PCDH15: variants seen among roughly 807,000 people sequenced by gnomAD.
The protein encoded by PCDH15 is protocadherin-15.
Under a neutral mutation model 178.5 loss-of-function variants are expected in PCDH15, and 129 were observed. The ratio of observed to expected loss-of-function variants is 0.72; its 90% confidence interval spans 0.63 to 0.84. PCDH15 has a LOEUF of 0.84. Among genes scored for constraint, PCDH15 ranks in the 40% least tolerant of loss-of-function variants. The pLI, the probability that PCDH15 is intolerant of heterozygous loss-of-function variation, is 0.00. For synonymous variants in PCDH15, 800 were observed against 732.0 expected, an observed-to-expected ratio of 1.09 and a Z score of -1.50; for missense variants, 2,230 against 2,099.9, an observed-to-expected ratio of 1.06 and a Z score of -1.21.
At chr10:54,498,048 A>G (rs1238451658) in intron 3 of PCDH15, among the ~76,000 whole-genome samples, 1 of 152,010 alleles carries the variant, frequency 6.6e-6, no homozygotes, top group Non-Finnish European at 1.5e-5. Flanking sequence ...ATATTAAAGG[A>G]AGCTATACAG....
chr10:54,818,976 G>A (rs953341040), intron 3 of PCDH15, among the ~76,000 whole-genome samples: 1 of 151,968 alleles, frequency 6.6e-6, no homozygotes, highest in Non-Finnish European at 1.5e-5. Flanking sequence ...GCAGACTGAA[G>A]AGCTGTGGGG....
Position 54,421,313 on chromosome 10 carries a change from G to GT in PCDH15, c.158-42372dup, listed in dbSNP as rs559643263. Among the ~76,000 whole-genome samples the GT allele has an allele frequency of 4.6e-5, 7 of 151,422 alleles. No homozygotes were observed. The East Asian group carries it at 9.7e-4, about 21-fold the overall frequency. On this transcript the variant is annotated intron_variant, in intron 3 of 37. Transcript: ENST00000644397. ...TTAAGAAATAATCTCTGACTCTGTAGTTTTTTTATTTGTAGGTTTTACTAG... is the reference window on the plus strand; with the variant it reads ...TTAAGAAATAATCTCTGACTCTGTAGTTTTTTTTATTTGTAGGTTTTACTAG...
intron 2 of PCDH15, among the ~76,000 whole-genome samples, chr10:55,078,703 T>C (rs1327697171): frequency 6.6e-6 from 1 of 152,088 alleles, no homozygotes; most frequent in Non-Finnish European, 1.5e-5. Context: ...TGTTGATTTC[T>C]GAGATTTTAG....
At chr10:55,499,741 A>G (rs577333622) in intron 2 of PCDH15, among the ~76,000 whole-genome samples, 1 of 151,916 alleles carries the variant, frequency 6.6e-6, no homozygotes, top group South Asian at 2.1e-4. Flanking sequence ...ATAGCAAGTT[A>G]AAATAAAACT....
At chr10:55,090,874 C>T (rs929801047) in intron 2 of PCDH15, among the ~76,000 whole-genome samples, 1 of 151,218 alleles carries the variant, frequency 6.6e-6, no homozygotes, top group African/African-American at 2.4e-5. Flanking sequence ...CTAAGGCATT[C>T]TAAAGACATC....
intron 2 of PCDH15, among the ~76,000 whole-genome samples, chr10:55,360,554 A>G (rs900350265): frequency 1.3e-5 from 2 of 152,028 alleles, no homozygotes; most frequent in Non-Finnish European, 2.9e-5. Context: ...GGGGAATTTG[A>G]GCCTGCAATT....
chr10:54,596,442 T>A (rs996580950), intron 2 of PCDH15, among the ~76,000 whole-genome samples: 1 of 152,146 alleles, frequency 6.6e-6, no homozygotes, highest in African/African-American at 2.4e-5. Flanking sequence ...AGACCTGCCT[T>A]ACAAGAGCTT....
At chr10:55,175,808 G>C (rs1408234289) in intron 1 of PCDH15, among the ~76,000 whole-genome samples, 1 of 151,984 alleles carries the variant, frequency 6.6e-6, no homozygotes, top group African/African-American at 2.4e-5. Flanking sequence ...AAAAGGCAGA[G>C]GTTCTAGTGG....
intron 2 of PCDH15, among the ~76,000 whole-genome samples, chr10:55,616,518 G>T (rs1387310636): frequency 1.5e-5 from 1 of 68,162 alleles, no homozygotes. Flanking sequence ...GCTGAAATTA[G>T]CAAAAAAAAA....
At chr10:55,095,345 T>C in intron 2 of PCDH15, among the ~76,000 whole-genome samples, 1 of 152,086 alleles carries the variant, frequency 6.6e-6, no homozygotes, top group East Asian at 1.9e-4. Flanking sequence ...AATTAAAGTG[T>C]TAAATATATT....
intron 6 of PCDH15, among the ~76,000 whole-genome samples, chr10:54,338,708 AT>A (rs1042699684): frequency 2.7e-5 from 4 of 150,392 alleles, no homozygotes; most frequent in South Asian, 2.1e-4. Flanking sequence ...AAGTGTCTTC[AT>A]TTTTTTTTTC....
At chr10:55,164,190 AT>A (rs1387608571) in intron 2 of PCDH15, among the ~76,000 whole-genome samples, 2 of 152,142 alleles carry the variant, frequency 1.3e-5, no homozygotes, top group African/African-American at 4.8e-5. Context: ...ATGAGAAAAA[AT>A]ATCTGACAAA....
At chr10:53,817,500 T>C (rs1349251912) in intron 34 of PCDH15, among the ~76,000 whole-genome samples, 2 of 132,958 alleles carry the variant, frequency 1.5e-5, no homozygotes, top group Non-Finnish European at 3.0e-5. Context: ...ATATTCTTTG[T>C]TTTTTTTTTC....
chr10:54,506,704 A>G (rs1184535992), intron 3 of PCDH15, among the ~76,000 whole-genome samples: 1 of 152,050 alleles, frequency 6.6e-6, no homozygotes, highest in East Asian at 1.9e-4. Context: ...CTGAAAAAAC[A>G]GTGTTTGCAT....
chr10:54,111,853 G>A (rs916292393), intron 15 of PCDH15, among the ~76,000 whole-genome samples: 6 of 151,786 alleles, frequency 4.0e-5, no homozygotes, highest in South Asian at 2.1e-4. Context: ...TTGGCCAGGC[G>A]TGGTGGCTCA....
At chr10:53,966,978 A>G (rs1262611677) in intron 21 of PCDH15, among the ~76,000 whole-genome samples, 1 of 152,044 alleles carries the variant, frequency 6.6e-6, no homozygotes, top group African/African-American at 2.4e-5. Flanking sequence ...ATTATAGCTC[A>G]CTGCAGCTCA....
chr10:55,340,706 G>T (rs1844531715), intron 2 of PCDH15, among the ~76,000 whole-genome samples: 1 of 151,906 alleles, frequency 6.6e-6, no homozygotes, highest in African/African-American at 2.4e-5. Flanking sequence ...AAAAATAAGA[G>T]TGAAAATATT....
intron 2 of PCDH15, among the ~76,000 whole-genome samples, chr10:55,461,448 C>CT (rs1839675362): frequency 6.6e-6 from 1 of 152,104 alleles, no homozygotes. Flanking sequence ...TGGGGACTTG[C>CT]TTAAATCTAA....
At chr10:54,894,666 C>T (rs1395460207) in intron 3 of PCDH15, among the ~76,000 whole-genome samples, 4 of 151,900 alleles carry the variant, frequency 2.6e-5, no homozygotes, top group African/African-American at 9.7e-5. Context: ...CTATGGCCAA[C>T]CAGAAAGAAA....
Sources: gnomAD v4.1 joint callset for allele counts (sites outside exome capture counted in the v4.1 genomes callset) on GRCh38, gnomAD v4.1.1 for gene constraint, MANE v1.5 for transcripts, NCBI Gene and HGNC (gene_info 2026-07-23, HGNC 2026-07-21) for gene names.